PCDH9: variants seen among roughly 807,000 people sequenced by gnomAD.
PCDH9 encodes the protein protocadherin-9.
A neutral mutation model predicts 70.6 loss-of-function variants in PCDH9; 24 were observed. That is an observed-to-expected ratio of 0.34 (90% CI 0.25 to 0.48). The LOEUF (loss-of-function observed/expected upper bound fraction) is 0.48, where lower values mean the gene tolerates loss of function less well. PCDH9 is among the 20% of genes least tolerant of loss of function. The pLI is 0.99. For synonymous variants in PCDH9, 562 were observed against 558.5 expected, an observed-to-expected ratio of 1.01 and a Z score of -0.09; for missense variants, 1,281 against 1,503.6, an observed-to-expected ratio of 0.85 and a Z score of 2.45.
At chr13:67,065,665 G>T (rs2085633004) in intron 2 of PCDH9, among the ~76,000 whole-genome samples, 1 of 152,132 alleles carries the variant, frequency 6.6e-6, no homozygotes, top group African/African-American at 2.4e-5. Context: ...CACTGGTTTT[G>T]AAATGAAGAA....
chr13:66,595,873 G>T (rs190961650), intron 4 of PCDH9, among the ~76,000 whole-genome samples: 2 of 151,456 alleles, frequency 1.3e-5, no homozygotes, highest in African/African-American at 4.8e-5. Context: ...CCAGCGTAAA[G>T]TAAGCGAAAA....
chr13:66,753,583 T>C (rs181362948), intron 3 of PCDH9, among the ~76,000 whole-genome samples: 85 of 152,318 alleles, frequency 5.6e-4, no homozygotes, highest in Non-Finnish European at 7.5e-4. Flanking sequence ...GTAATGTCAT[T>C]CAATCAAGAA....
intron 4 of PCDH9, among the ~76,000 whole-genome samples, chr13:66,326,471 T>C (rs548621585): frequency 6.7e-6 from 1 of 149,718 alleles, no homozygotes; most frequent in Non-Finnish European, 1.5e-5. Context: ...CAGGCTGGAG[T>C]GCAGTGGCGC....
intron 4 of PCDH9, among the ~76,000 whole-genome samples, chr13:66,368,018 C>T (rs1338511465): frequency 6.6e-6 from 1 of 151,778 alleles, no homozygotes; most frequent in African/African-American, 2.4e-5. Flanking sequence ...AGTTTTGAAA[C>T]ACAAATTGAA....
intron 2 of PCDH9, among the ~76,000 whole-genome samples, chr13:67,134,613 T>G (rs574250295): frequency 4.6e-5 from 7 of 152,226 alleles, no homozygotes; most frequent in African/African-American, 1.7e-4. Context: ...TTCTTTCTTT[T>G]TAAATACAAA....
rs118177383 is a variant in PCDH9 at position 66,502,763 on chromosome 13, T to C, written c.3340+128447A>G. ...TGCTTTTTAAGTTAATTTGTTTAAG[T>C]TTTATTTGTTTCGTCAATTAGGAGT... On this transcript the variant is annotated intron_variant, in intron 4 of 4. Coordinates refer to ENST00000377865, the MANE Select transcript of PCDH9 (RefSeq NM_203487.3). Among the ~76,000 whole-genome samples, 1,071 of 152,304 alleles carry C rather than the reference T, an allele frequency of 7.0e-3. 35 individuals are homozygous for C. In the East Asian group the frequency reaches 0.092, roughly 13 times the overall value.
intron 2 of PCDH9, among the ~76,000 whole-genome samples, chr13:66,940,537 A>G (rs1344901293): frequency 6.6e-6 from 1 of 152,158 alleles, no homozygotes; most frequent in Non-Finnish European, 1.5e-5. Context: ...GTGTTATTCA[A>G]ATGAATTTGT....
At chr13:66,750,189 A>T (rs2079435541) in intron 3 of PCDH9, among the ~76,000 whole-genome samples, 1 of 152,226 alleles carries the variant, frequency 6.6e-6, no homozygotes, top group African/African-American at 2.4e-5. Flanking sequence ...GAGGAAGGGC[A>T]TTATTACTAT....
At chr13:67,107,751 A>G (rs943758823) in intron 2 of PCDH9, among the ~76,000 whole-genome samples, 6 of 152,198 alleles carry the variant, frequency 3.9e-5, no homozygotes. Context: ...GGACTGAAAC[A>G]GCTGTAATAC....
chr13:66,777,718 G>T (rs1044047949), intron 3 of PCDH9, among the ~76,000 whole-genome samples: 1 of 152,210 alleles, frequency 6.6e-6, no homozygotes, highest in Non-Finnish European at 1.5e-5. Context: ...GTGGAAGTCA[G>T]TGTGGCGATT....
intron 3 of PCDH9, among the ~76,000 whole-genome samples, chr13:66,682,397 T>G (rs1213162948): frequency 7.0e-6 from 1 of 143,460 alleles, no homozygotes; most frequent in African/African-American, 2.6e-5. Context: ...TCTATCTATC[T>G]ATCATCTATC....
chr13:67,225,546 C>T lies in PCDH9; in HGVS notation c.2895G>A (p.Gln965=), dbSNP rs747059413. 1.9e-6 allele frequency: 3 copies of T among 1,614,064 alleles called. No homozygotes were observed. Among genetic ancestry groups the T allele is most frequent in the South Asian group, 2.2e-5 (2 of 91,074 alleles). Residue 965 remains glutamine, a synonymous_variant, in exon 2 of 5, where the codon CAG becomes CAA. Coordinates refer to ENST00000377865, the MANE Select transcript of PCDH9 (RefSeq NM_203487.3). ...CAAAGGTGTTGTCCAAAGGGAGTTCCTGAATCACGTGGTGCTTTTTCACGG... is the reference window on the plus strand; with the variant it reads ...CAAAGGTGTTGTCCAAAGGGAGTTCTTGAATCACGTGGTGCTTTTTCACGG... ...PVSVKKHHVI[Q]ELPLDNTFVG...
intron 4 of PCDH9, among the ~76,000 whole-genome samples, chr13:66,353,286 A>G (rs1956323221): frequency 1.3e-5 from 2 of 152,202 alleles, no homozygotes; most frequent in Admixed American, 1.3e-4. Flanking sequence ...GAAGGGATGA[A>G]GAGGCTGAAA....
At chr13:67,003,785 G>A (rs572879959) in intron 2 of PCDH9, among the ~76,000 whole-genome samples, 5 of 152,108 alleles carry the variant, frequency 3.3e-5, no homozygotes, top group African/African-American at 9.7e-5. Flanking sequence ...ATTAAATAAC[G>A]CTTTACAGGA....
rs557063049 is a variant in PCDH9 at position 66,643,711 on chromosome 13, A to T, written c.3139-12300T>A. Among the ~76,000 whole-genome samples the T allele has an allele frequency of 2.6e-5, 4 of 152,228 alleles. No homozygotes were observed. In the South Asian group the frequency reaches 8.3e-4, roughly 31 times the overall value. ...AAAAAATGTAGTTACTTTAGAAGGCATGACACTCTCAAACATTATGTTCTA... is the reference window on the plus strand; with the variant it reads ...AAAAAATGTAGTTACTTTAGAAGGCTTGACACTCTCAAACATTATGTTCTA... On this transcript the variant is annotated intron_variant, in intron 3 of 4. Transcript: ENST00000377865.
At chr13:67,218,095 C>T (rs922948355) in intron 2 of PCDH9, 2 of 152,066 alleles carry the variant, frequency 1.3e-5, no homozygotes, top group African/African-American at 4.8e-5. Flanking sequence ...TAGGCACCTG[C>T]AATACCAGCA....
At chr13:66,588,491 C>CATATAT (rs10535210) in intron 4 of PCDH9, among the ~76,000 whole-genome samples, 2 of 148,674 alleles carry the variant, frequency 1.3e-5, no homozygotes, top group Admixed American at 6.8e-5. Flanking sequence ...GAGAGAACGT[C>CATATAT]ATATATATAT....
chr13:66,762,112 TAGGTAATGC>T (rs780283715), intron 3 of PCDH9, among the ~76,000 whole-genome samples: 3 of 152,070 alleles, frequency 2.0e-5, no homozygotes, highest in Admixed American at 6.6e-5. Context: ...TTTTCAGTGG[TAGGTAATGC>T]CCTTCCCTCA....
intron 3 of PCDH9, among the ~76,000 whole-genome samples, chr13:66,721,964 A>G (rs1273107393): frequency 2.0e-5 from 3 of 152,330 alleles, no homozygotes; most frequent in South Asian, 2.1e-4. Context: ...CTGCAGGAAT[A>G]AATTTATGAA....
Sources: gnomAD v4.1 joint callset for allele counts (sites outside exome capture counted in the v4.1 genomes callset) on GRCh38, gnomAD v4.1.1 for gene constraint, MANE v1.5 for transcripts, NCBI Gene and HGNC (gene_info 2026-07-23, HGNC 2026-07-21) for gene names.